PRKAG2: variants seen among roughly 807,000 people sequenced by gnomAD.
PRKAG2 encodes the protein protein kinase AMP-activated non-catalytic subunit gamma 2, also known as 5'-AMP-activated protein kinase subunit gamma-2.
In PRKAG2, 26 loss-of-function variants were observed where a neutral mutation model predicts 69.6. The observed-to-expected ratio is 0.37, with a 90% CI of 0.27 to 0.52. The LOEUF (loss-of-function observed/expected upper bound fraction) is 0.52, where lower values mean the gene tolerates loss of function less well. PRKAG2 is among the 20% of genes least tolerant of loss of function. PRKAG2 has a pLI of 0.90. For missense variants in PRKAG2, 557 were observed against 740.0 expected (o/e 0.75, Z 2.87); for synonymous variants, 293 against 285.0 (o/e 1.03, Z -0.28).
chr7:151,615,795 C>A (rs1434442456), intron 5 of PRKAG2, among the ~76,000 whole-genome samples: 1 of 152,150 alleles, frequency 6.6e-6, no homozygotes, highest in Admixed American at 6.5e-5. Flanking sequence ...ATACACATGG[C>A]TAACAAGAAT....
intron 3 of PRKAG2, among the ~76,000 whole-genome samples, chr7:151,740,697 C>T (rs2073820248): frequency 6.6e-6 from 1 of 152,208 alleles, no homozygotes; most frequent in Non-Finnish European, 1.5e-5. Context: ...AGTATGTGAG[C>T]CGTGGCTGCA....
At chr7:151,715,581 C>A (rs1288876905) in intron 3 of PRKAG2, among the ~76,000 whole-genome samples, 4 of 152,132 alleles carry the variant, frequency 2.6e-5, no homozygotes, top group South Asian at 2.1e-4. Context: ...GTCTCGAACT[C>A]CTGACCTTGG....
chr7:151,647,373 G>A (rs989394365), intron 4 of PRKAG2, among the ~76,000 whole-genome samples: 1 of 152,220 alleles, frequency 6.6e-6, no homozygotes, highest in African/African-American at 2.4e-5. Context: ...ATACAGGCCC[G>A]GCCCTCAGAA....
intron 1 of PRKAG2, chr7:151,806,553 G>A (rs1490212111): frequency 1.8e-5 from 3 of 166,042 alleles, no homozygotes; most frequent in Admixed American, 1.8e-4. Context: ...CAGGAAGGCT[G>A]GTACCAGGAG....
chr7:151,847,631 C>T (rs533714955), intron 1 of PRKAG2, among the ~76,000 whole-genome samples: 105 of 152,324 alleles, frequency 6.9e-4, no homozygotes, highest in African/African-American at 2.4e-3. Context: ...CCTTCCAACA[C>T]GACGATGAGC....
At chr7:151,849,831 G>C (rs1399772235) in intron 1 of PRKAG2, among the ~76,000 whole-genome samples, 2 of 152,270 alleles carry the variant, frequency 1.3e-5, no homozygotes, top group African/African-American at 4.8e-5. Flanking sequence ...CCTCATCTTC[G>C]CTAAGTACAT....
intron 4 of PRKAG2, among the ~76,000 whole-genome samples, chr7:151,674,579 T>G (rs1832599712): frequency 6.6e-6 from 1 of 152,142 alleles, no homozygotes; most frequent in South Asian, 2.1e-4. Context: ...AGAGAGTGCT[T>G]AAGTGCTTAG....
intron 3 of PRKAG2, among the ~76,000 whole-genome samples, chr7:151,752,288 A>G (rs2074746480): frequency 6.6e-6 from 1 of 152,216 alleles, no homozygotes; most frequent in Admixed American, 6.5e-5. Flanking sequence ...ATCCTTAGCA[A>G]ACTAACACAG....
intron 14 of PRKAG2, 140 bp downstream of exon 14, chr7:151,563,938 C>G: frequency 8.9e-7 from 1 of 1,118,190 alleles, no homozygotes; most frequent in Non-Finnish European, 1.3e-6. Context: ...GGTTCTGGGA[C>G]AGGAGGGAAT....
At chr7:151,868,084 G>A (rs1055782716) in intron 1 of PRKAG2, among the ~76,000 whole-genome samples, 2 of 152,206 alleles carry the variant, frequency 1.3e-5, no homozygotes, top group African/African-American at 4.8e-5. Flanking sequence ...CCAGGTCAGA[G>A]TATATCAAAA....
intron 3 of PRKAG2, among the ~76,000 whole-genome samples, chr7:151,772,158 T>C (rs1033096654): frequency 6.6e-6 from 1 of 152,198 alleles, no homozygotes; most frequent in Non-Finnish European, 1.5e-5. Context: ...ACCCAGGGTG[T>C]CAAAGGAAGG....
chr7:151,868,001 T>C (rs1586750820), intron 1 of PRKAG2, among the ~76,000 whole-genome samples: 1 of 152,254 alleles, frequency 6.6e-6, no homozygotes, highest in East Asian at 1.9e-4. Context: ...CTTTGGCTCA[T>C]GGAAAAGACG....
rs540063276 is a variant in PRKAG2, at chr7:151,669,797, C to A, written c.684+5623G>T. 3.5e-3 allele frequency among the ~76,000 whole-genome samples: 525 copies of A among 149,058 alleles called. 3 individuals are homozygous for A. Among genetic ancestry groups the A allele is most frequent in the African/African-American group, 0.012 (484 of 39,026 alleles). The stretch of plus-strand genomic sequence containing the variant: ...ACACACTTGCACGCACACACCTGTG[C>A]ACACACTTGCACACACACACACCTG... On this transcript the variant is annotated intron_variant, in intron 4 of 15. Coordinates refer to ENST00000287878, the MANE Select transcript of PRKAG2 (RefSeq NM_016203.4).
At chr7:151,641,828 AG>A (rs960509092) in intron 4 of PRKAG2, among the ~76,000 whole-genome samples, 1 of 152,084 alleles carries the variant, frequency 6.6e-6, no homozygotes, top group Non-Finnish European at 1.5e-5. Flanking sequence ...GTTTCTGTTA[AG>A]GGAAGACAAT....
At chr7:151,795,624 C>G (rs994866216) in intron 1 of PRKAG2, among the ~76,000 whole-genome samples, 1 of 152,054 alleles carries the variant, frequency 6.6e-6, no homozygotes, top group Non-Finnish European at 1.5e-5. Context: ...TGGATGACAT[C>G]TACAGTCAGT....
At chr7:151,749,315 T>C (rs1051896697) in intron 3 of PRKAG2, among the ~76,000 whole-genome samples, 22 of 152,202 alleles carry the variant, frequency 1.4e-4, no homozygotes, top group African/African-American at 4.1e-4. Context: ...TCCATCAGCC[T>C]ATCCTGATGC....
intron 5 of PRKAG2, among the ~76,000 whole-genome samples, chr7:151,618,610 C>T (rs962193374): frequency 2.6e-5 from 4 of 151,780 alleles, no homozygotes; most frequent in Admixed American, 2.0e-4. Context: ...ACTAAAAATA[C>T]AAAAATCAGC....
chr7:151,594,135 C>T (rs985614411), intron 6 of PRKAG2, among the ~76,000 whole-genome samples: 6 of 152,196 alleles, frequency 3.9e-5, no homozygotes, highest in African/African-American at 9.7e-5. Context: ...CACTCCAGGG[C>T]ACCTTTCAGC....
intron 3 of PRKAG2, among the ~76,000 whole-genome samples, chr7:151,722,150 T>A (rs184450448): frequency 1.1e-4 from 16 of 152,304 alleles, no homozygotes; most frequent in African/African-American, 3.8e-4. Flanking sequence ...TCTCATTAGT[T>A]GGCTCTCTCA....
Sources: gnomAD v4.1 joint callset for allele counts (sites outside exome capture counted in the v4.1 genomes callset) on GRCh38, gnomAD v4.1.1 for gene constraint, MANE v1.5 for transcripts, NCBI Gene and HGNC (gene_info 2026-07-23, HGNC 2026-07-21) for gene names.